The following NID1 variants were observed in gnomAD, a reference collection of about 807,000 sequenced individuals.
NID1 encodes the protein nidogen-1.
Under a neutral mutation model 130.6 loss-of-function variants are expected in NID1, and 76 were observed. The ratio of observed to expected loss-of-function variants is 0.58; its 90% CI spans 0.48 to 0.70. The LOEUF (loss-of-function observed/expected upper bound fraction) is 0.70, where lower values mean the gene tolerates loss of function less well. Ranked by LOEUF, NID1 falls within the 30% of genes least tolerant of loss-of-function variation. The pLI is 0.00. For synonymous variants in NID1, 665 were observed against 675.1 expected (o/e 0.98, Z 0.23); for missense variants, 1,517 against 1,664.8 (o/e 0.91, Z 1.54).
chr1:236,009,693 C>A (rs2102814438), intron 12 of NID1, among the ~76,000 whole-genome samples: 1 of 152,336 alleles, frequency 6.6e-6, no homozygotes, highest in South Asian at 2.1e-4. Flanking sequence ...AACTCTAGTT[C>A]ATTCATTTTA....
chr1:236,025,250 C>A (rs112608868), intron 8 of NID1, among the ~76,000 whole-genome samples: 6,102 of 146,238 alleles, frequency 0.042, 174 homozygotes, highest in Middle Eastern at 0.071. Flanking sequence ...CCATGCTCGG[C>A]CCTACAATTT....
At chr1:236,064,276 G>T (rs1277068957) in intron 1 of NID1, among the ~76,000 whole-genome samples, 2 of 152,214 alleles carry the variant, frequency 1.3e-5, no homozygotes, top group Non-Finnish European at 2.9e-5. Flanking sequence ...ATCACTGGGA[G>T]CCCTGTGTTT....
In NID1 at chr1:235,977,807, G is replaced by C. The variant is rs1657310286; in HGVS notation, c.*60C>G. On this transcript the variant is annotated 3_prime_UTR_variant, in exon 20 of 20. Transcript: ENST00000264187. Reference sequence around the variant, plus strand: ...GAGGACACTTTTCAATCTGGACCAAGTTGCTTCAAGTAGAGTGTTGCTGTG... The same window carrying C: ...GAGGACACTTTTCAATCTGGACCAACTTGCTTCAAGTAGAGTGTTGCTGTG... 6.3e-7 allele frequency: 1 copy of C among 1,588,820 alleles called. No homozygotes were observed. The highest frequency in any genetic ancestry group is 8.6e-7 in the Non-Finnish European group (1 of 1,162,814).
Position 235,980,569 on chromosome 1 carries a change from C to A in NID1, c.3312G>T (p.Val1104=). The A allele has an allele frequency of 6.2e-7, 1 of 1,614,178 alleles. No individual in the cohort carries two copies. Among genetic ancestry groups the A allele is most frequent in the South Asian group, 1.1e-5 (1 of 91,078 alleles). Residue 1104 remains valine (V), a synonymous_variant, in exon 17 of 20, where the codon GTG becomes GTT. Coordinates refer to ENST00000264187, the MANE Select transcript of NID1 (RefSeq NM_002508.3). ...CATTGGGCAAGCCCAGGTCATCCTGCACAAGGATCCTCCGGTTCGTGCCGT... is the reference window on the plus strand; with the variant it reads ...CATTGGGCAAGCCCAGGTCATCCTGAACAAGGATCCTCCGGTTCGTGCCGT... ...YMDGTNRRIL[V]QDDLGLPNGL...
intron 12 of NID1, among the ~76,000 whole-genome samples, chr1:236,004,535 A>C (rs1658186648): frequency 6.6e-6 from 1 of 151,552 alleles, no homozygotes; most frequent in African/African-American, 2.4e-5. Context: ...AGCCAAGGCG[A>C]GTGGATCAGG....
intron 12 of NID1, among the ~76,000 whole-genome samples, chr1:235,996,055 G>A (rs1351133312): frequency 6.6e-6 from 1 of 152,184 alleles, no homozygotes; most frequent in Admixed American, 6.5e-5. Context: ...CTGGGAGGGT[G>A]GGGCAGGAGG....
chr1:236,050,040 GAA>G (rs61477102), intron 1 of NID1, among the ~76,000 whole-genome samples: 124 of 130,642 alleles, frequency 9.5e-4, no homozygotes, highest in African/African-American at 2.8e-3. Context: ...CATCTCAGGG[GAA>G]AAAAAAAAAA....
chr1:236,015,526 AATTCCAGCT>A (rs1658563462), intron 10 of NID1, among the ~76,000 whole-genome samples: 1 of 151,894 alleles, frequency 6.6e-6, no homozygotes, highest in African/African-American at 2.4e-5. Flanking sequence ...GCATGCCTGT[AATTCCAGCT>A]ACTTGGGAGA....
At chr1:235,985,541 T>A (rs1199874710) in intron 14 of NID1, 36 bp from the exon 15 acceptor site, 5 of 1,611,504 alleles carry the variant, frequency 3.1e-6, no homozygotes, top group Non-Finnish European at 4.2e-6. Flanking sequence ...ATGGTCCATC[T>A]ACAAGCATCT....
At position 236,064,573 on chromosome 1, in the gene NID1, C is replaced by A. The variant is rs143391137; in HGVS notation, c.225+282G>T. On this transcript the variant is annotated intron_variant, in intron 1 of 19. Coordinates refer to ENST00000264187, the MANE Select transcript of NID1 (RefSeq NM_002508.3). ...CTCCCTGCGGCGATGCAGCCCACAGCCGCCGGGGAGGAAGCTCCGCGGGGT... is the reference window on the plus strand; with the variant it reads ...CTCCCTGCGGCGATGCAGCCCACAGACGCCGGGGAGGAAGCTCCGCGGGGT... 8.7e-3 allele frequency: 3,462 copies of A among 399,408 alleles called. 41 individuals carry two copies. Among genetic ancestry groups the A allele is most frequent in the African/African-American group, 0.037 (1,730 of 46,470 alleles). 24.7% of individuals were successfully genotyped at this position (399,408 alleles called of 1,614,324 possible).
chr1:236,046,680 G>A (rs999024081), intron 2 of NID1, among the ~76,000 whole-genome samples: 7 of 152,192 alleles, frequency 4.6e-5, no homozygotes, highest in Admixed American at 2.6e-4. Context: ...GGTATGCGGA[G>A]GTGGAACAGA....
At chr1:236,059,401 G>A (rs77641900) in intron 1 of NID1, among the ~76,000 whole-genome samples, 1 of 152,340 alleles carries the variant, frequency 6.6e-6, no homozygotes, top group East Asian at 1.9e-4. Context: ...GAGCCCACAA[G>A]TGGACCTGGA....
chr1:236,055,669 G>GAA (rs143216004), intron 1 of NID1, among the ~76,000 whole-genome samples: 25 of 145,702 alleles, frequency 1.7e-4, no homozygotes, highest in African/African-American at 6.3e-4. Context: ...AATAAAAATA[G>GAA]AAAAAAAAAA....
intron 7 of NID1, among the ~76,000 whole-genome samples, chr1:236,028,089 T>C (rs1462842883): frequency 6.6e-6 from 1 of 152,132 alleles, no homozygotes; most frequent in Non-Finnish European, 1.5e-5. Flanking sequence ...ATTAAGACAA[T>C]CATTTCAACT....
intron 12 of NID1, among the ~76,000 whole-genome samples, chr1:236,011,063 A>G (rs1171035562): frequency 6.6e-6 from 1 of 151,994 alleles, no homozygotes; most frequent in Non-Finnish European, 1.5e-5. Context: ...ACCACCCTCA[A>G]TGAGCTCACA....
intron 4 of NID1, among the ~76,000 whole-genome samples, chr1:236,040,333 T>C (rs569962888): frequency 1.2e-4 from 18 of 152,218 alleles, no homozygotes; most frequent in African/African-American, 4.3e-4. Context: ...AATGGCAGCT[T>C]CTCCATTTCC....
chr1:236,042,996 C>T (rs1259653432), intron 3 of NID1, among the ~76,000 whole-genome samples: 1 of 152,186 alleles, frequency 6.6e-6, no homozygotes, highest in African/African-American at 2.4e-5. Context: ...TATGAAATAA[C>T]ACCACCATAA....
At chr1:236,004,896 C>A (rs970827706) in intron 12 of NID1, among the ~76,000 whole-genome samples, 1 of 152,078 alleles carries the variant, frequency 6.6e-6, no homozygotes. Flanking sequence ...CAGGATGGAG[C>A]CCGGCACGGT....
At chr1:236,000,363 C>G (rs771176041) in intron 12 of NID1, among the ~76,000 whole-genome samples, 1 of 152,190 alleles carries the variant, frequency 6.6e-6, no homozygotes, top group Non-Finnish European at 1.5e-5. Context: ...TCCACAAGCC[C>G]TTATCATAAC....
Sources: gnomAD v4.1 joint callset for allele counts (sites outside exome capture counted in the v4.1 genomes callset) on GRCh38, gnomAD v4.1.1 for gene constraint, MANE v1.5 for transcripts, NCBI Gene and HGNC (gene_info 2026-07-23, HGNC 2026-07-21) for gene names.